SAP25: variants seen among roughly 807,000 people sequenced by gnomAD.
The protein encoded by SAP25 is histone deacetylase complex subunit SAP25.
In SAP25, 24 loss-of-function variants were observed where a neutral mutation model predicts 31.5. That is an observed-to-expected ratio of 0.76 (90% CI 0.55 to 1.07). The LOEUF (loss-of-function observed/expected upper bound fraction) is 1.07. Ranked by LOEUF, SAP25 falls within the 50% of genes least tolerant of loss-of-function variation. The probability of loss-of-function intolerance (pLI) is 0.00; values close to 1 mark genes in which losing one functional copy is unlikely to be tolerated. For synonymous variants in SAP25, 180 were observed against 186.0 expected (o/e 0.97, Z 0.26); for missense variants, 377 against 418.8 (o/e 0.90, Z 0.87).
rs1355164530 is a variant in SAP25 at position 100,572,264 on chromosome 7, C to G, written c.*23G>C. 7.9e-7 allele frequency: 1 copy of G among 1,267,996 alleles called. No homozygotes were observed. The highest frequency in any genetic ancestry group is 9.9e-7 in the Non-Finnish European group (1 of 1,007,766). 78.5% of individuals were successfully genotyped at this position (1,267,996 alleles called of 1,614,324 possible). The stretch of plus-strand genomic sequence containing the variant: ...AACACTGTTTTATTGTCAACACAAC[C>G]AGCCCACTCTGCCCTGAGAAGGCTA... On this transcript the variant is annotated 3_prime_UTR_variant, in exon 6 of 6. Coordinates refer to ENST00000622764, the MANE Select transcript of SAP25 (RefSeq NM_001348680.2). This position sits in a 1 kb window ranked among gnomAD's most constrained non-coding sequence, Gnocchi z 4.1.
chr7:100,573,781 CGCCGCCCGGCCCG>C lies in SAP25; in HGVS notation c.-52_-40del. On this transcript the variant is annotated 5_prime_UTR_variant, in exon 1 of 6. Transcript: ENST00000622764. Reference sequence around the variant, plus strand: ...GCGCAGGACGGTACCGCCGTGTCCCCGCCGCCCGGCCCGGCCCTCTCAGCCTCCCTCCGCGGCG... The same window carrying C: ...GCGCAGGACGGTACCGCCGTGTCCCCGCCCTCTCAGCCTCCCTCCGCGGCG... The C allele has an allele frequency of 8.5e-7, 1 of 1,182,132 alleles. No homozygotes were observed. Among genetic ancestry groups the C allele is most frequent in the Non-Finnish European group, 1.0e-6 (1 of 956,306 alleles). The allele number at this position is 1,182,132 out of a possible 1,614,324, so 73.2% of individuals were successfully genotyped here. A position where few individuals can be genotyped will look rare whatever the true frequency, so the allele number is the denominator to read the frequency against.
In SAP25 at chr7:100,573,659, C is replaced by T. The variant is rs1801227436; in HGVS notation, c.84G>A (p.Gln28=). 6 of 1,230,988 alleles carry T rather than the reference C, an allele frequency of 4.9e-6. No homozygotes were observed. Among genetic ancestry groups the T allele is most frequent in the Non-Finnish European group, 6.1e-6 (6 of 987,482 alleles). 76.3% of individuals were successfully genotyped at this position (1,230,988 alleles called of 1,614,324 possible). A position where few individuals can be genotyped will look rare whatever the true frequency, so the allele number is the denominator to read the frequency against. Residue 28 remains glutamine (Q), a synonymous_variant, in exon 1 of 6, where the codon CAG becomes CAA. Coordinates refer to ENST00000622764, the MANE Select transcript of SAP25 (RefSeq NM_001348680.2). The part of the protein sequence containing the change: ...EGPGLPAGKD[Q]GEPWSAGADA... ...CCGCTCCGGCGCTCCAGGGCTCGCC[C>T]TGGTCCTTGCCCGCCGGAAGGCCTG...
In SAP25 at chr7:100,572,907, GC is replaced by G. The variant is rs1801185045; in HGVS notation, c.463del (p.Ala155ProfsTer50). Reference protein sequence around the residue: ...AASGRGLRPVAPATGHWNGQQ... With the variant: ...AASGRGLRPVXPATGHWNGQQ... ...TCCATTCCAGTGCCCTGTGGCAGGG[GC>G]CACGGGCCTGAGACCCCTGCCCGAG... On this transcript the variant is annotated frameshift_variant, in exon 4 of 6. Transcript: ENST00000622764. LOFTEE classifies it high-confidence loss of function. The surrounding 1 kb of genome is among the most constrained non-coding windows in gnomAD (Gnocchi z 4.1). 12 of 1,475,586 alleles carry G rather than the reference GC, an allele frequency of 8.1e-6. No individual in the cohort carries two copies. The highest frequency in any genetic ancestry group is 1.1e-5 in the Non-Finnish European group (12 of 1,117,024). 91.4% of individuals were successfully genotyped at this position (1,475,586 alleles called of 1,614,324 possible). A position where few individuals can be genotyped will look rare whatever the true frequency, so the allele number is the denominator to read the frequency against.
At chr7:100,573,548 T>C in intron 1 of SAP25, 49 bp downstream of exon 1, 1 of 1,232,120 alleles carries the variant, frequency 8.1e-7, no homozygotes, top group Non-Finnish European at 1.0e-6. Context: ...GGTGAAGGCA[T>C]GGAGGCCCCC....
chr7:100,572,786 G>A lies in SAP25; in HGVS notation c.512-35C>T. 6.6e-7 allele frequency: 1 copy of A among 1,517,444 alleles called. No homozygotes were observed. The highest frequency in any genetic ancestry group is 8.8e-7 in the Non-Finnish European group (1 of 1,138,742). 94.0% of individuals were successfully genotyped at this position (1,517,444 alleles called of 1,614,324 possible). ...AACACCACTAGGGTGGCGGGCTGCG[G>A]GCTCCCACCCCTGGGCACTGGTTCC... On this transcript the variant is annotated intron_variant, in intron 4 of 5. Transcript: ENST00000622764. The surrounding 1 kb of genome is among the most constrained non-coding windows in gnomAD (Gnocchi z 4.1).
chr7:100,572,959 AG>A lies in SAP25; in HGVS notation c.411del (p.Ser138HisfsTer67). ...GCTGCTTCATACAGCGGCCAGAATG[AG>A]GGGTGACACAGCGTCCGGCCTGAGA... ...ASFSGRTLCH[P>X]SFWPLYEAAS... On this transcript the variant is annotated frameshift_variant, in exon 4 of 6. Transcript: ENST00000622764. LOFTEE classifies it high-confidence loss of function. This position sits in a 1 kb window ranked among gnomAD's most constrained non-coding sequence, Gnocchi z 4.1. The A allele has an allele frequency of 1.3e-6, 2 of 1,510,256 alleles. No homozygotes were observed. Among genetic ancestry groups the A allele is most frequent in the Admixed American group, 2.1e-5 (1 of 47,184 alleles). The allele number at this position is 1,510,256 out of a possible 1,614,324, so 93.6% of individuals were successfully genotyped here. A position where few individuals can be genotyped will look rare whatever the true frequency, so the allele number is the denominator to read the frequency against.
At position 100,572,916 on chromosome 7, in the gene SAP25, C is replaced by G; in HGVS notation, c.455G>C (p.Arg152Thr). The change falls in exon 4 of 6, where the codon AGG becomes ACG. Residue 152 changes from arginine (R) to threonine (T), a missense_variant. Coordinates refer to ENST00000622764, the MANE Select transcript of SAP25 (RefSeq NM_001348680.2). The surrounding 1 kb of genome is among the most constrained non-coding windows in gnomAD (Gnocchi z 4.1). Reference protein sequence around the residue: ...LYEAASGRGLRPVAPATGHWN... With the variant: ...LYEAASGRGLTPVAPATGHWN... ...GTGCCCTGTGGCAGGGGCCACGGGC[C>G]TGAGACCCCTGCCCGAGGCTGCTTC... 6.7e-7 allele frequency: 1 copy of G among 1,484,844 alleles called. No homozygotes were observed. The highest frequency in any genetic ancestry group is 8.9e-7 in the Non-Finnish European group (1 of 1,120,746). 92.0% of individuals were successfully genotyped at this position (1,484,844 alleles called of 1,614,324 possible). A position where few individuals can be genotyped will look rare whatever the true frequency, so the allele number is the denominator to read the frequency against.
At chr7:100,573,273 T>C in intron 2 of SAP25, 24 bp downstream of exon 2, 1 of 1,420,084 alleles carries the variant, frequency 7.0e-7, no homozygotes, top group Non-Finnish European at 9.3e-7. Flanking sequence ...TTAGGGGTAG[T>C]AGAGGCAGCA....
In SAP25 at chr7:100,573,847, C is replaced by T; in HGVS notation, c.-105G>A. ...GCGCGAACGTGCCCTCCTGGCGAAC[C>T]CACCCCAGAGGCCTCGCGGCGACGC... On this transcript the variant is annotated 5_prime_UTR_variant, in exon 1 of 6. Coordinates refer to ENST00000622764, the MANE Select transcript of SAP25 (RefSeq NM_001348680.2). 9.8e-7 allele frequency: 1 copy of T among 1,024,878 alleles called. No individual in the cohort carries two copies. Among genetic ancestry groups the T allele is most frequent in the Non-Finnish European group, 1.2e-6 (1 of 827,362 alleles). 63.5% of individuals were successfully genotyped at this position (1,024,878 alleles called of 1,614,324 possible).
chr7:100,573,000 C>T lies in SAP25; in HGVS notation c.371G>A (p.Ser124Asn), dbSNP rs1801189810. 1.3e-6 allele frequency: 2 copies of T among 1,492,890 alleles called. No individual in the cohort carries two copies. The highest frequency in any genetic ancestry group is 1.8e-6 in the Non-Finnish European group (2 of 1,124,326). 92.5% of individuals were successfully genotyped at this position (1,492,890 alleles called of 1,614,324 possible). A position where few individuals can be genotyped will look rare whatever the true frequency, so the allele number is the denominator to read the frequency against. The part of the protein sequence containing the change: ...GPRPVWGANC[S>N]SGASFSGRTL... Reference sequence around the variant, plus strand: ...CCGGCCTGAGAACGAGGCTCCTGAGCTACAGTTGGCCCCCTAGGGTGAGGA... The same window carrying T: ...CCGGCCTGAGAACGAGGCTCCTGAGTTACAGTTGGCCCCCTAGGGTGAGGA... The change falls in exon 4 of 6, where the codon AGC becomes AAC. Residue 124 changes from serine (S) to asparagine (N), a missense_variant. Physicochemically the swap from Ser to Asn is conservative, Grantham distance 46. Transcript: ENST00000622764. This position sits in a 1 kb window ranked among gnomAD's most constrained non-coding sequence, Gnocchi z 4.1.
At position 100,573,876 on chromosome 7, in the gene SAP25, C is replaced by G; in HGVS notation, c.-134G>C. 1 of 713,846 alleles carries G rather than the reference C, an allele frequency of 1.4e-6. No individual in the cohort carries two copies. The highest frequency in any genetic ancestry group is 6.3e-5 in the East Asian group (1 of 15,768). 44.2% of individuals were successfully genotyped at this position (713,846 alleles called of 1,614,324 possible). ...CCCAGAGGCCTCGCGGCGACGCTGG[C>G]GCCCTGTGCGTCTCCCGGCCACGTG... On this transcript the variant is annotated 5_prime_UTR_variant, in exon 1 of 6. Coordinates refer to ENST00000622764, the MANE Select transcript of SAP25 (RefSeq NM_001348680.2).
At position 100,573,763 on chromosome 7, in the gene SAP25, A is replaced by G; in HGVS notation, c.-21T>C. 1 of 1,203,592 alleles carries G rather than the reference A, an allele frequency of 8.3e-7. No homozygotes were observed. Among genetic ancestry groups the G allele is most frequent in the Non-Finnish European group, 1.0e-6 (1 of 970,056 alleles). 74.6% of individuals were successfully genotyped at this position (1,203,592 alleles called of 1,614,324 possible). ...AACATTCCGCGTTCCCGAGCGCAGG[A>G]CGGTACCGCCGTGTCCCCGCCGCCC... On this transcript the variant is annotated 5_prime_UTR_variant, in exon 1 of 6. Coordinates refer to ENST00000622764, the MANE Select transcript of SAP25 (RefSeq NM_001348680.2).
chr7:100,573,357 G>C lies in SAP25; in HGVS notation c.190C>G (p.Gln64Glu), dbSNP rs1398453666. ...GGCAGGTGGTGGGGCAGCAGCAGCTGCTCTCTCCAGATCCAGGAAGGGCTA... is the reference window on the plus strand; with the variant it reads ...GGCAGGTGGTGGGGCAGCAGCAGCTCCTCTCTCCAGATCCAGGAAGGGCTA... Reference protein sequence around the residue: ...SRSPSWIWREQLLLPHHLPGP... With the variant: ...SRSPSWIWREELLLPHHLPGP... The change falls in exon 2 of 6, where the codon CAG (glutamine) becomes GAG (glutamate). Residue 64 changes from glutamine to glutamate, a missense_variant. Physicochemically the swap from Gln to Glu is conservative, Grantham distance 29 (BLOSUM62 2). Transcript: ENST00000622764. 1 of 1,393,468 alleles carries C rather than the reference G, an allele frequency of 7.2e-7. No individual in the cohort carries two copies. Among genetic ancestry groups the C allele is most frequent in the Non-Finnish European group, 9.3e-7 (1 of 1,073,906 alleles). The allele number at this position is 1,393,468 out of a possible 1,614,324, so 86.3% of individuals were successfully genotyped here. A position where few individuals can be genotyped will look rare whatever the true frequency, so the allele number is the denominator to read the frequency against.
chr7:100,572,369 G>A lies in SAP25; in HGVS notation c.812C>T (p.Pro271Leu), dbSNP rs765361344. The change falls in exon 6 of 6, where the codon CCA becomes CTA. Residue 271 changes from proline (P) to leucine (L), a missense_variant. By Grantham distance (98) the Pro-to-Leu change is moderately conservative. Coordinates refer to ENST00000622764, the MANE Select transcript of SAP25 (RefSeq NM_001348680.2). The surrounding 1 kb of genome is among the most constrained non-coding windows in gnomAD (Gnocchi z 4.1). ...AVGPPDHTSD[P>L]PSPCGSPSSS... is the part of the protein sequence containing the mutation. ...GCTGGGGCTACCACAGGGGCTGGGT[G>A]GGTCAGAGGTATGGTCTGGGGGGCC... 3.6e-6 allele frequency: 5 copies of A among 1,385,186 alleles called. No individual in the cohort carries two copies. Among genetic ancestry groups the A allele is most frequent in the Non-Finnish European group, 4.7e-6 (5 of 1,072,768 alleles). 85.8% of individuals were successfully genotyped at this position (1,385,186 alleles called of 1,614,324 possible).
Position 100,573,420 on chromosome 7 carries a change from G to A in SAP25, c.147-20C>T. ...TGTGGGCTGGAGGGGCAGGGACTGAGGCTGCAGCCACACCGCCCCCACGCA... is the reference window on the plus strand; with the variant it reads ...TGTGGGCTGGAGGGGCAGGGACTGAAGCTGCAGCCACACCGCCCCCACGCA... On this transcript the variant is annotated intron_variant, in intron 1 of 5. Transcript: ENST00000622764. 1 of 1,284,024 alleles carries A rather than the reference G, an allele frequency of 7.8e-7. No individual in the cohort carries two copies. The highest frequency in any genetic ancestry group is 1.0e-6 in the Non-Finnish European group (1 of 999,594). The allele number at this position is 1,284,024 out of a possible 1,614,324, so 79.5% of individuals were successfully genotyped here. A position where few individuals can be genotyped will look rare whatever the true frequency, so the allele number is the denominator to read the frequency against.
At chr7:100,573,555 C>T (rs879631967) in intron 1 of SAP25, 42 bp downstream of exon 1, 4 of 1,233,526 alleles carry the variant, frequency 3.2e-6, no homozygotes, top group Non-Finnish European at 4.0e-6. Flanking sequence ...GCATGGAGGC[C>T]CCCAGTCGCT....
chr7:100,572,930 C>T lies in SAP25; in HGVS notation c.441G>A (p.Ser147=), dbSNP rs923442004. Residue 147 remains serine, a synonymous_variant, in exon 4 of 6, where the codon TCG becomes TCA. Coordinates refer to ENST00000622764, the MANE Select transcript of SAP25 (RefSeq NM_001348680.2). The surrounding 1 kb of genome is among the most constrained non-coding windows in gnomAD (Gnocchi z 4.1). Reference sequence around the variant, plus strand: ...GGGCCACGGGCCTGAGACCCCTGCCCGAGGCTGCTTCATACAGCGGCCAGA... The same window carrying T: ...GGGCCACGGGCCTGAGACCCCTGCCTGAGGCTGCTTCATACAGCGGCCAGA... ...PSFWPLYEAA[S]GRGLRPVAPA... The T allele has an allele frequency of 6.7e-6, 10 of 1,496,712 alleles. No individual in the cohort carries two copies. The highest frequency in any genetic ancestry group is 2.5e-5 in the South Asian group (2 of 79,136). 92.7% of individuals were successfully genotyped at this position (1,496,712 alleles called of 1,614,324 possible). A position where few individuals can be genotyped will look rare whatever the true frequency, so the allele number is the denominator to read the frequency against.
chr7:100,573,509 G>A, intron 1 of SAP25, 88 bp downstream of exon 1: 3 of 1,217,364 alleles, frequency 2.5e-6, no homozygotes, highest in Non-Finnish European at 3.1e-6. Flanking sequence ...CTCCAGCAGG[G>A]ACAATGGAGA....
Position 100,572,984 on chromosome 7 carries a change from G to A in SAP25, c.387C>T (p.Phe129=), listed in dbSNP as rs1443980053. The A allele has an allele frequency of 6.7e-7, 1 of 1,502,572 alleles. No homozygotes were observed. The highest frequency in any genetic ancestry group is 8.9e-7 in the Non-Finnish European group (1 of 1,128,864). The allele number at this position is 1,502,572 out of a possible 1,614,324, so 93.1% of individuals were successfully genotyped here. A position where few individuals can be genotyped will look rare whatever the true frequency, so the allele number is the denominator to read the frequency against. Residue 129 remains phenylalanine, a synonymous_variant, in exon 4 of 6, where the codon TTC becomes TTT. Coordinates refer to ENST00000622764, the MANE Select transcript of SAP25 (RefSeq NM_001348680.2). The surrounding 1 kb of genome is among the most constrained non-coding windows in gnomAD (Gnocchi z 4.1). ...AGGGGTGACACAGCGTCCGGCCTGA[G>A]AACGAGGCTCCTGAGCTACAGTTGG... ...WGANCSSGAS[F]SGRTLCHPSF... is the part of the protein sequence containing the mutation.
Sources: gnomAD v4.1 joint callset for allele counts on GRCh38, gnomAD v4.1.1 for gene constraint, Gnocchi (gnomAD v3.1) non-coding constraint, MANE v1.5 for transcripts, NCBI Gene and HGNC (gene_info 2026-07-23, HGNC 2026-07-21) for gene names.